The following CSMD1 variants were observed in gnomAD, a reference collection of about 807,000 sequenced individuals.
CSMD1 encodes the protein CUB and sushi domain-containing protein 1.
In CSMD1, 213 loss-of-function variants were observed where a neutral mutation model predicts 417.5. The ratio of observed to expected loss-of-function variants is 0.51; its 90% confidence interval spans 0.46 to 0.57. CSMD1 has a LOEUF of 0.57. CSMD1 is among the 20% of genes least tolerant of loss of function. CSMD1 has a pLI of 0.00. For missense variants in CSMD1, 6,923 were observed against 4,529.7 expected, an observed-to-expected ratio of 1.53 and a Z score of -15.17; for synonymous variants, 2,862 against 1,736.8, an observed-to-expected ratio of 1.65 and a Z score of -16.11.
chr8:4,223,191 C>A (rs1164788089), intron 3 of CSMD1, among the ~76,000 whole-genome samples: 2 of 152,164 alleles, frequency 1.3e-5, no homozygotes, highest in East Asian at 3.9e-4. Flanking sequence ...ATAAAAGTCA[C>A]TTCTGCACCC....
At chr8:3,748,233 G>C (rs779444789) in intron 6 of CSMD1, among the ~76,000 whole-genome samples, 1 of 152,148 alleles carries the variant, frequency 6.6e-6, no homozygotes, top group African/African-American at 2.4e-5. Flanking sequence ...ATTTGAATGA[G>C]TTATATTATT....
At chr8:4,650,819 T>C (rs1171417328) in intron 1 of CSMD1, among the ~76,000 whole-genome samples, 1 of 152,238 alleles carries the variant, frequency 6.6e-6, no homozygotes, top group Non-Finnish European at 1.5e-5. Context: ...CAAGTTTTGC[T>C]TCCAAGGTTG....
chr8:4,403,788 C>G (rs1458228906), intron 3 of CSMD1, among the ~76,000 whole-genome samples: 1 of 152,172 alleles, frequency 6.6e-6, no homozygotes, highest in Non-Finnish European at 1.5e-5. Flanking sequence ...ATCCTCTCTC[C>G]TGGACTTCAG....
chr8:3,897,173 G>T (rs567921715), intron 5 of CSMD1, among the ~76,000 whole-genome samples: 1 of 152,160 alleles, frequency 6.6e-6, no homozygotes, highest in Admixed American at 6.5e-5. Flanking sequence ...AACGAGACAA[G>T]GGTTAGTAGC....
intron 7 of CSMD1, among the ~76,000 whole-genome samples, chr8:3,659,578 T>C (rs534169899): frequency 5.3e-5 from 8 of 152,278 alleles, no homozygotes; most frequent in African/African-American, 1.7e-4. Flanking sequence ...TTAGCAAAAA[T>C]GATTCAACTG....
intron 3 of CSMD1, among the ~76,000 whole-genome samples, chr8:4,397,965 G>A (rs1804370088): frequency 6.6e-6 from 1 of 152,126 alleles, no homozygotes. Flanking sequence ...TCATACACCT[G>A]CTACTGAAAA....
intron 3 of CSMD1, among the ~76,000 whole-genome samples, chr8:4,300,628 C>T (rs1797931475): frequency 6.6e-6 from 1 of 152,162 alleles, no homozygotes; most frequent in Non-Finnish European, 1.5e-5. Context: ...TGGTGTGCTG[C>T]ACCCATTAAC....
intron 2 of CSMD1, among the ~76,000 whole-genome samples, chr8:4,621,779 G>C (rs956370292): frequency 1.3e-5 from 2 of 151,912 alleles, no homozygotes; most frequent in Non-Finnish European, 2.9e-5. Context: ...TATTTTAAAT[G>C]AACTACTGTA....
chr8:4,236,216 G>A (rs916443448), intron 3 of CSMD1, among the ~76,000 whole-genome samples: 2 of 152,034 alleles, frequency 1.3e-5, no homozygotes, highest in Non-Finnish European at 2.9e-5. Flanking sequence ...GGAATTCATA[G>A]ATCTATAATC....
intron 33 of CSMD1, among the ~76,000 whole-genome samples, chr8:3,193,979 T>C (rs1178653782): frequency 6.6e-6 from 1 of 152,206 alleles, no homozygotes; most frequent in Non-Finnish European, 1.5e-5. Flanking sequence ...TAGGACTCAC[T>C]TGCAATACCT....
chr8:3,275,725 T>C (rs1441611934), intron 26 of CSMD1, among the ~76,000 whole-genome samples: 1 of 152,226 alleles, frequency 6.6e-6, no homozygotes, highest in Non-Finnish European at 1.5e-5. Context: ...TCGCATCGGC[T>C]CCTGAGGCTT....
intron 5 of CSMD1, among the ~76,000 whole-genome samples, chr8:3,907,797 T>A (rs1808210926): frequency 6.6e-6 from 1 of 152,184 alleles, no homozygotes; most frequent in Non-Finnish European, 1.5e-5. Context: ...GCTGCTCGTA[T>A]CAAACAGCCC....
chr8:4,708,747 G>T (rs375033700), intron 1 of CSMD1, among the ~76,000 whole-genome samples: 10 of 151,976 alleles, frequency 6.6e-5, no homozygotes, highest in East Asian at 1.9e-4. Context: ...CATATATAAA[G>T]TCCTAACCCC....
chr8:4,037,583 G>A (rs1315236813), intron 3 of CSMD1, among the ~76,000 whole-genome samples: 3 of 147,556 alleles, frequency 2.0e-5, no homozygotes, highest in Non-Finnish European at 4.5e-5. Context: ...TCAACTGACA[G>A]GGATTGCAAT....
chr8:4,946,141 T>C (rs1256122602), intron 1 of CSMD1, among the ~76,000 whole-genome samples: 1 of 152,156 alleles, frequency 6.6e-6, no homozygotes, highest in Non-Finnish European at 1.5e-5. Context: ...CAGGGATAAC[T>C]TCAAAAGCAG....
chr8:3,797,829 A>G (rs1014807878), intron 5 of CSMD1, among the ~76,000 whole-genome samples: 3 of 152,022 alleles, frequency 2.0e-5, no homozygotes, highest in African/African-American at 7.2e-5. Flanking sequence ...ATATAAAAGC[A>G]CTAACGATTG....
intron 3 of CSMD1, among the ~76,000 whole-genome samples, chr8:4,119,062 A>T (rs2130935807): frequency 6.6e-6 from 1 of 152,170 alleles, no homozygotes; most frequent in South Asian, 2.1e-4. Flanking sequence ...GGACACAGGG[A>T]GGGGAACATC....
intron 1 of CSMD1, among the ~76,000 whole-genome samples, chr8:4,801,357 C>A (rs1798272563): frequency 6.6e-6 from 1 of 152,090 alleles, no homozygotes; most frequent in African/African-American, 2.4e-5. Context: ...GCTGCTGCTG[C>A]CAGAACCCAG....
At chr8:4,557,045 A>AT (rs1798126785) in intron 2 of CSMD1, among the ~76,000 whole-genome samples, 1 of 152,178 alleles carries the variant, frequency 6.6e-6, no homozygotes, top group South Asian at 2.1e-4. Context: ...TTTATAAAGG[A>AT]TTTTTTAACA....
Sources: allele counts gnomAD v4.1 joint callset (sites outside exome capture counted in the v4.1 genomes callset), GRCh38; gene constraint gnomAD v4.1.1; transcripts MANE v1.5; gene names NCBI Gene and HGNC (gene_info 2026-07-23, HGNC 2026-07-21).